Variants in CBX2 observed in about 807,000 individuals in gnomAD.
CBX2 encodes chromobox 2.
A neutral mutation model predicts 21.0 loss-of-function variants in CBX2; 11 were observed. The observed-to-expected ratio is 0.52, with a 90% confidence interval of 0.33 to 0.87. The LOEUF (loss-of-function observed/expected upper bound fraction) is 0.87, where lower values mean the gene tolerates loss of function less well. Ranked by LOEUF, CBX2 falls within the 40% of genes least tolerant of loss-of-function variation. The probability of loss-of-function intolerance (pLI) is 0.02; values close to 1 mark genes in which losing one functional copy is unlikely to be tolerated. For missense variants in CBX2, 746 were observed against 724.3 expected (o/e 1.03, Z -0.34); for synonymous variants, 364 against 304.6 (o/e 1.19, Z -2.03).
rs1257878715 is a variant in CBX2 at position 79,785,493 on chromosome 17, G to A, written c.*451G>A. ...CTGGCCCACCTTGCCTTCAGCCCTG[G>A]AGTGGGCAGAGAGTATTGTGGGGAG... On this transcript the variant is annotated 3_prime_UTR_variant, in exon 5 of 5. Transcript: ENST00000310942. 8.5e-6 allele frequency: 2 copies of A among 235,362 alleles called. No homozygotes were observed. Among genetic ancestry groups the A allele is most frequent in the Non-Finnish European group, 8.6e-6 (1 of 116,154 alleles). 14.6% of individuals were successfully genotyped at this position (235,362 alleles called of 1,614,324 possible).
chr17:79,781,942 G>C (rs148065215), intron 4 of CBX2, 141 bp downstream of exon 4: 1 of 1,614,172 alleles, frequency 6.2e-7, no homozygotes, highest in South Asian at 1.1e-5. Context: ...GAAAACAGGA[G>C]CCCCCTTTCT....
In CBX2 at chr17:79,782,435, C is replaced by G. The variant is rs1025219676; in HGVS notation, c.288+634C>G. On this transcript the variant is annotated intron_variant, in intron 4 of 4. Coordinates refer to ENST00000310942, the MANE Select transcript of CBX2 (RefSeq NM_005189.3). Reference sequence around the variant, plus strand: ...CTGGGGTCCGTGGTAGGGCCCCTCCCTCCCCTGAGGACAGGTGAGGCAGGA... The same window carrying G: ...CTGGGGTCCGTGGTAGGGCCCCTCCGTCCCCTGAGGACAGGTGAGGCAGGA... 3 of 1,304,684 alleles carry G rather than the reference C, an allele frequency of 2.3e-6. No homozygotes were observed. In the African/African-American group the frequency reaches 4.5e-5, roughly 20 times the overall value. 80.8% of individuals were successfully genotyped at this position (1,304,684 alleles called of 1,614,324 possible). A position where few individuals can be genotyped will look rare whatever the true frequency, so the allele number is the denominator to read the frequency against.
In CBX2 at chr17:79,787,516, A is replaced by C. The variant is rs538978812; in HGVS notation, c.*2474A>C. The C allele has an allele frequency of 1.3e-5, 2 of 152,806 alleles. No homozygotes were observed. Among genetic ancestry groups the C allele is most frequent in the East Asian group, 3.9e-4 (2 of 5,190 alleles). 9.5% of individuals were successfully genotyped at this position (152,806 alleles called of 1,614,324 possible). ...TCACTGGGAACTGCACCAGATGCTCAGACTTGGTTGTCTTATGTTTACCAA... is the reference window on the plus strand; with the variant it reads ...TCACTGGGAACTGCACCAGATGCTCCGACTTGGTTGTCTTATGTTTACCAA... On this transcript the variant is annotated 3_prime_UTR_variant, in exon 5 of 5. Transcript: ENST00000310942.
chr17:79,782,456 C>T, intron 4 of CBX2: 2 of 1,267,236 alleles, frequency 1.6e-6, no homozygotes, highest in Non-Finnish European at 2.0e-6. Context: ...ACAGGTGAGG[C>T]AGGACAGGAT....
In CBX2 at chr17:79,784,426, C is replaced by T. The variant is rs557036259; in HGVS notation, c.983C>T (p.Pro328Leu). The T allele has an allele frequency of 5.2e-5, 84 of 1,611,762 alleles. 1 individual carries two copies. The South Asian group carries it at 6.2e-4, about 12-fold the overall frequency. The stretch of plus-strand genomic sequence containing the variant: ...AAAGTGGGGAACACAGGGGGCCCCC[C>T]GCACACCCATGGTGCCAGCAGGGTG... ...EQKVGNTGGP[P>L]HTHGASRVPA... Residue 328 changes from proline (P) to leucine (L), a missense_variant, in exon 5 of 5, where the codon CCG becomes CTG. By Grantham distance (98) the Pro-to-Leu change is moderately conservative. Transcript: ENST00000310942. This position sits in a 1 kb window ranked among gnomAD's most constrained non-coding sequence, Gnocchi z 5.9.
intron 4 of CBX2, among the ~76,000 whole-genome samples, chr17:79,782,964 G>A (rs1177989381): frequency 1.3e-5 from 2 of 152,186 alleles, no homozygotes; most frequent in East Asian, 3.8e-4. Flanking sequence ...ATCCTGGAAG[G>A]CTCAGACTGG....
chr17:79,784,715 T>C lies in CBX2; in HGVS notation c.1272T>C (p.Pro424=). ...CCAGAGCAGTGGCGCCACCCACCCC[T>C]GCCAGCAAGAGGGACTGTGTCAAGG... ...LASRAVAPPT[P]ASKRDCVKGS... Residue 424 remains proline (P), a synonymous_variant, in exon 5 of 5, where the codon CCT becomes CCC. Coordinates refer to ENST00000310942, the MANE Select transcript of CBX2 (RefSeq NM_005189.3). This position sits in a 1 kb window ranked among gnomAD's most constrained non-coding sequence, Gnocchi z 5.9. 1 of 1,611,222 alleles carries C rather than the reference T, an allele frequency of 6.2e-7. No individual in the cohort carries two copies. Among genetic ancestry groups the C allele is most frequent in the Non-Finnish European group, 8.5e-7 (1 of 1,179,420 alleles).
chr17:79,782,252 G>C, intron 4 of CBX2: 1 of 1,569,888 alleles, frequency 6.4e-7, no homozygotes, highest in Non-Finnish European at 8.6e-7. Flanking sequence ...GGCCACGAAA[G>C]GCAGGGCTGA....
rs1225118901 is a variant in CBX2 at position 79,787,979 on chromosome 17, T to G, written c.*2937T>G. On this transcript the variant is annotated 3_prime_UTR_variant, in exon 5 of 5. Coordinates refer to ENST00000310942, the MANE Select transcript of CBX2 (RefSeq NM_005189.3). ...AAAAAAATCATTCATGTATGCCACT[T>G]CTAATTGCTTTCAACTATGGCTGTT... is the stretch of plus-strand genomic sequence containing the variant. 1.4e-4 allele frequency: 21 copies of G among 152,206 alleles called. No homozygotes were observed. Among genetic ancestry groups the G allele is most frequent in the Admixed American group, 1.4e-3 (21 of 15,284 alleles). The allele number at this position is 152,206 out of a possible 1,614,324, so 9.4% of individuals were successfully genotyped here.
chr17:79,779,849 A>G (rs1382850286), intron 3 of CBX2: 7 of 275,830 alleles, frequency 2.5e-5, no homozygotes, highest in African/African-American at 1.5e-4. Flanking sequence ...CGCGTGTGCC[A>G]TCAGGCAAGA....
intron 4 of CBX2, 189 bp downstream of exon 4, chr17:79,781,990 G>C: frequency 6.2e-7 from 1 of 1,614,120 alleles, no homozygotes; most frequent in Non-Finnish European, 8.5e-7. Flanking sequence ...GGCCCCAGCC[G>C]GCTGAGAGTT....
rs1400599606 is a variant in CBX2 at position 79,779,056 on chromosome 17, A to C, written c.117-306A>C. 6.6e-5 allele frequency among the ~76,000 whole-genome samples: 10 copies of C among 152,004 alleles called. 1 individual carries two copies. The highest frequency in any genetic ancestry group is 5.9e-4 in the Admixed American group (9 of 15,278). ...AGGGTTTGGGGGAATCCCTCTCTGC[A>C]ACTTTGCGTTTTATGGGGGTTTGTT... On this transcript the variant is annotated intron_variant, in intron 2 of 4. Coordinates refer to ENST00000310942, the MANE Select transcript of CBX2 (RefSeq NM_005189.3).
At chr17:79,777,902 C>G (rs1403272817), upstream of CBX2, among the ~76,000 whole-genome samples, 7 of 149,242 alleles carry the variant, frequency 4.7e-5, no homozygotes, top group African/African-American at 1.7e-4. Context: ...CTCCCCCAGC[C>G]AGGGGCCCGC....
rs1555831455 is a variant in CBX2 at position 79,784,964 on chromosome 17, C to T, written c.1521C>T (p.Asp507=). ...TCATCGAGCACGTATTTGTCACCGACGTCACTGCCAACCTCATCACCGTCA... is the reference window on the plus strand; with the variant it reads ...TCATCGAGCACGTATTTGTCACCGATGTCACTGCCAACCTCATCACCGTCA... ...RSLIEHVFVT[D]VTANLITVTV... is the part of the protein sequence containing the mutation. The change falls in exon 5 of 5, where the codon GAC becomes GAT. Residue 507 remains aspartate (D), a synonymous_variant. Transcript: ENST00000310942. The surrounding 1 kb of genome is among the most constrained non-coding windows in gnomAD (Gnocchi z 5.9). 8.1e-6 allele frequency: 13 copies of T among 1,610,056 alleles called. No homozygotes were observed. The highest frequency in any genetic ancestry group is 2.7e-5 in the African/African-American group (2 of 75,062).
In CBX2 at chr17:79,787,204, A is replaced by G. The variant is rs1907697564; in HGVS notation, c.*2162A>G. ...ACTCCTTCCTGCTGAGCACTGTGCTACCTTCACTGCTCCAAAGCCAGACTA... is the reference window on the plus strand; with the variant it reads ...ACTCCTTCCTGCTGAGCACTGTGCTGCCTTCACTGCTCCAAAGCCAGACTA... On this transcript the variant is annotated 3_prime_UTR_variant, in exon 5 of 5. Transcript: ENST00000310942. 1 of 152,392 alleles carries G rather than the reference A, an allele frequency of 6.6e-6. No homozygotes were observed. Among genetic ancestry groups the G allele is most frequent in the African/African-American group, 2.4e-5 (1 of 41,448 alleles). The allele number at this position is 152,392 out of a possible 1,614,324, so 9.4% of individuals were successfully genotyped here.
At position 79,785,741 on chromosome 17, in the gene CBX2, C is replaced by G. The variant is rs1468960231; in HGVS notation, c.*699C>G. The stretch of plus-strand genomic sequence containing the variant: ...CCTAAAAGGCTGCCTTCATGGCCAT[C>G]TAGCCCCAGTTCAGGGCAGCATCCA... On this transcript the variant is annotated 3_prime_UTR_variant, in exon 5 of 5. Coordinates refer to ENST00000310942, the MANE Select transcript of CBX2 (RefSeq NM_005189.3). The G allele has an allele frequency of 6.5e-6, 1 of 153,488 alleles. No individual in the cohort carries two copies. The highest frequency in any genetic ancestry group is 1.9e-4 in the East Asian group (1 of 5,182). The allele number at this position is 153,488 out of a possible 1,614,324, so 9.5% of individuals were successfully genotyped here. A position where few individuals can be genotyped will look rare whatever the true frequency, so the allele number is the denominator to read the frequency against.
chr17:79,779,486 C>G, intron 3 of CBX2, 59 bp downstream of exon 3: 2 of 1,492,274 alleles, frequency 1.3e-6, no homozygotes, highest in East Asian at 4.5e-5. Context: ...TGGTTGGAGT[C>G]GTGCTGGGCG....
Position 79,785,004 on chromosome 17 carries a change from C to T in CBX2, c.1561C>T (p.Pro521Ser), listed in dbSNP as rs1555831464. The T allele has an allele frequency of 1.9e-6, 3 of 1,603,666 alleles. No individual in the cohort carries two copies. Among genetic ancestry groups the T allele is most frequent in the Non-Finnish European group, 2.5e-6 (3 of 1,179,970 alleles). Residue 521 changes from proline (P) to serine (S), a missense_variant, in exon 5 of 5, where the codon CCC becomes TCC. Pro to Ser is a moderately conservative substitution (Grantham distance 74). This residue lies in a region of CBX2 where 701 missense variants were observed against 650.7 expected (regional missense o/e 1.08). Coordinates refer to ENST00000310942, the MANE Select transcript of CBX2 (RefSeq NM_005189.3). ...CATCACCGTCACAGTGAAGGAGTCT[C>T]CCACCAGCGTGGGCTTCTTCAACCT... ...NLITVTVKES[P>S]TSVGFFNLRH...
upstream of CBX2, chr17:79,778,035 C>T (rs1906856545): frequency 6.8e-6 from 1 of 146,238 alleles, no homozygotes; most frequent in African/African-American, 2.5e-5. This position sits in a 1 kb window ranked among gnomAD's most constrained non-coding sequence, Gnocchi z 4.8. Context: ...CGCCCCCCCT[C>T]GCTGATTGGC....
Sources: allele counts gnomAD v4.1 joint callset (sites outside exome capture counted in the v4.1 genomes callset), GRCh38; gene constraint gnomAD v4.1.1; regional missense constraint gnomAD v4.1.1; non-coding constraint Gnocchi (gnomAD v3.1); transcripts MANE v1.5; gene names NCBI Gene and HGNC (gene_info 2026-07-23, HGNC 2026-07-21).